The following LRMDA variants were observed in gnomAD, a reference collection of about 807,000 sequenced individuals.
The protein encoded by LRMDA is leucine rich melanocyte differentiation associated, also known as leucine-rich melanocyte differentiation-associated protein.
A neutral mutation model predicts 29.8 loss-of-function variants in LRMDA; 18 were observed. The ratio of observed to expected loss-of-function variants is 0.60; its 90% CI spans 0.42 to 0.90. The LOEUF (loss-of-function observed/expected upper bound fraction) is 0.90, where lower values mean the gene tolerates loss of function less well. Ranked by LOEUF, LRMDA falls within the 40% of genes least tolerant of loss-of-function variation. LRMDA has a pLI of 0.00. For synonymous variants in LRMDA, 125 were observed against 109.4 expected (o/e 1.14, Z -0.89); for missense variants, 273 against 273.9 (o/e 1.00, Z 0.02).
chr10:75,736,119 T>C (rs1842759891), intron 2 of LRMDA, among the ~76,000 whole-genome samples: 1 of 152,184 alleles, frequency 6.6e-6, no homozygotes, highest in South Asian at 2.1e-4. Flanking sequence ...TGCACCAATA[T>C]TATGGTGTAA....
intron 2 of LRMDA, among the ~76,000 whole-genome samples, chr10:75,989,150 A>T (rs1847315082): frequency 6.6e-6 from 1 of 152,234 alleles, no homozygotes; most frequent in African/African-American, 2.4e-5. Context: ...CTGGCATCTG[A>T]CACACAGGGA....
intron 6 of LRMDA, among the ~76,000 whole-genome samples, chr10:76,552,303 G>A (rs117125348): frequency 8.5e-5 from 13 of 152,294 alleles, no homozygotes; most frequent in Non-Finnish European, 1.6e-4. Context: ...AAGCCAGTGG[G>A]ATACAGCTTA....
At chr10:75,765,762 C>T (rs987626150) in intron 2 of LRMDA, among the ~76,000 whole-genome samples, 2 of 151,802 alleles carry the variant, frequency 1.3e-5, no homozygotes, top group Admixed American at 1.3e-4. Flanking sequence ...GCCACCTTCG[C>T]CTCTTCCCCC....
At chr10:76,082,725 C>T (rs1458532909) in intron 5 of LRMDA, among the ~76,000 whole-genome samples, 3 of 152,132 alleles carry the variant, frequency 2.0e-5, no homozygotes, top group Admixed American at 2.0e-4. Context: ...GTTATAGGAA[C>T]CCTCATGCCC....
intron 2 of LRMDA, among the ~76,000 whole-genome samples, chr10:75,447,319 C>G (rs1424647461): frequency 6.6e-6 from 1 of 152,104 alleles, no homozygotes; most frequent in Non-Finnish European, 1.5e-5. Flanking sequence ...TATAATGTCT[C>G]AGTTGTGACC....
intron 2 of LRMDA, among the ~76,000 whole-genome samples, chr10:75,872,171 T>C (rs1043927645): frequency 2.0e-5 from 3 of 152,208 alleles, no homozygotes; most frequent in African/African-American, 7.2e-5. Context: ...TTTATTTTCT[T>C]TATATTTCCC....
intron 2 of LRMDA, among the ~76,000 whole-genome samples, chr10:75,478,182 T>C (rs1049599552): frequency 2.4e-4 from 37 of 152,214 alleles, no homozygotes; most frequent in African/African-American, 7.5e-4. Context: ...AGGAGGCAGC[T>C]CTCCCCCAAG....
chr10:75,610,730 A>C (rs1176786398), intron 2 of LRMDA, among the ~76,000 whole-genome samples: 1 of 152,172 alleles, frequency 6.6e-6, no homozygotes, highest in Non-Finnish European at 1.5e-5. Context: ...TAGGCAATAC[A>C]TGTTCCCTAA....
intron 2 of LRMDA, among the ~76,000 whole-genome samples, chr10:75,927,266 T>C (rs112467761): frequency 0.01 from 1,543 of 152,310 alleles, 31 homozygotes; most frequent in Non-Finnish European, 9.8e-3. Context: ...GTCCTTTTCC[T>C]AACTCCCTGG....
At chr10:76,294,205 TG>T (rs1164460078) in intron 5 of LRMDA, among the ~76,000 whole-genome samples, 1 of 152,248 alleles carries the variant, frequency 6.6e-6, no homozygotes, top group African/African-American at 2.4e-5. Context: ...TGTGTGTGTT[TG>T]TGTTAATCCT....
intron 2 of LRMDA, among the ~76,000 whole-genome samples, chr10:75,787,040 G>T (rs1242648970): frequency 1.3e-5 from 2 of 152,212 alleles, no homozygotes; most frequent in Non-Finnish European, 2.9e-5. Context: ...CACTAGATTT[G>T]TCTGTGCTGT....
chr10:76,099,057 A>G (rs1405900694), intron 5 of LRMDA, among the ~76,000 whole-genome samples: 1 of 152,146 alleles, frequency 6.6e-6, no homozygotes, highest in Non-Finnish European at 1.5e-5. Flanking sequence ...TGTTATCCTG[A>G]GGAGCAATTT....
At chr10:75,685,116 A>G (rs762872136) in intron 2 of LRMDA, among the ~76,000 whole-genome samples, 30 of 152,202 alleles carry the variant, frequency 2.0e-4, no homozygotes, top group Non-Finnish European at 4.1e-4. Context: ...TTCAGATAAT[A>G]CAGATACTGA....
At chr10:76,397,299 G>A (rs948984799) in intron 6 of LRMDA, among the ~76,000 whole-genome samples, 11 of 152,224 alleles carry the variant, frequency 7.2e-5, no homozygotes, top group African/African-American at 2.6e-4. Context: ...GAACTGATGA[G>A]GCCCTGTTTT....
At chr10:75,706,432 G>A (rs1842370060) in intron 2 of LRMDA, among the ~76,000 whole-genome samples, 1 of 152,178 alleles carries the variant, frequency 6.6e-6, no homozygotes, top group Non-Finnish European at 1.5e-5. Context: ...TTTCTCCAAA[G>A]TTTTGGGCTG....
At chr10:75,861,181 A>C (rs1477504010) in intron 2 of LRMDA, among the ~76,000 whole-genome samples, 1 of 152,246 alleles carries the variant, frequency 6.6e-6, no homozygotes, top group African/African-American at 2.4e-5. Flanking sequence ...CAAATTATTT[A>C]TTGCTGATGA....
intron 2 of LRMDA, among the ~76,000 whole-genome samples, chr10:75,602,739 A>G (rs1452452498): frequency 6.6e-6 from 1 of 152,178 alleles, no homozygotes; most frequent in East Asian, 1.9e-4. Context: ...AAACAATGGA[A>G]ATTTTTGAAG....
intron 5 of LRMDA, among the ~76,000 whole-genome samples, chr10:76,120,863 C>A (rs1446172448): frequency 6.7e-6 from 1 of 148,402 alleles, no homozygotes; most frequent in South Asian, 2.1e-4. Context: ...GACGGAGTCT[C>A]GCTGTGTCAT....
At chr10:76,123,867 A>G (rs907201709) in intron 5 of LRMDA, among the ~76,000 whole-genome samples, 4 of 152,216 alleles carry the variant, frequency 2.6e-5, no homozygotes, top group Non-Finnish European at 5.9e-5. Context: ...GATGCGGCAA[A>G]TATTTGCAGA....
Sources: gnomAD v4.1 joint callset for allele counts (sites outside exome capture counted in the v4.1 genomes callset) on GRCh38, gnomAD v4.1.1 for gene constraint, MANE v1.5 for transcripts, NCBI Gene and HGNC (gene_info 2026-07-23, HGNC 2026-07-21) for gene names.